The following ZSWIM6 variants were observed in gnomAD, a reference collection of about 807,000 sequenced individuals.
ZSWIM6 encodes zinc finger SWIM-type containing 6, also known as zinc finger SWIM domain-containing protein 6.
In ZSWIM6, 9 loss-of-function variants were observed where a neutral mutation model predicts 113.2. That is an observed-to-expected ratio of 0.08 (90% CI 0.05 to 0.14). ZSWIM6 has a LOEUF of 0.14. Among genes scored for constraint, ZSWIM6 ranks in the 10% least tolerant of loss-of-function variants. The pLI, the probability that ZSWIM6 is intolerant of heterozygous loss-of-function variation, is 1.00. For missense variants in ZSWIM6, 1,162 were observed against 1,552.2 expected, an observed-to-expected ratio of 0.75 and a Z score of 4.22; for synonymous variants, 611 against 606.5, an observed-to-expected ratio of 1.01 and a Z score of -0.11.
At chr5:61,534,897 C>T (rs117888406) in intron 9 of ZSWIM6, among the ~76,000 whole-genome samples, 160 of 152,150 alleles carry the variant, frequency 1.1e-3, no homozygotes, top group East Asian at 8.3e-3. Flanking sequence ...AAATGGGTAA[C>T]TATTCTTTTT....
In ZSWIM6 at chr5:61,474,956, A is replaced by C. The variant is rs74367821; in HGVS notation, c.1033+1919A>C. Among the ~76,000 whole-genome samples the C allele has an allele frequency of 1.8e-3, 275 of 152,324 alleles. 2 individuals carry two copies. The highest frequency in any genetic ancestry group is 1.8e-3 in the Admixed American group (27 of 15,298). The stretch of plus-strand genomic sequence containing the variant: ...TTGGTAGAGTCTGCCAATGTTAAAT[A>C]ACAGGAGTGTAAACAACGCTGCCAC... On this transcript the variant is annotated intron_variant, in intron 2 of 13. Transcript: ENST00000252744.
chr5:61,457,845 CTGA>C (rs1747237089), intron 1 of ZSWIM6, among the ~76,000 whole-genome samples: 1 of 152,024 alleles, frequency 6.6e-6, no homozygotes. Context: ...TGACTAGTAT[CTGA>C]TGATACTGAA....
intron 2 of ZSWIM6, among the ~76,000 whole-genome samples, chr5:61,489,071 C>G (rs1334078128): frequency 6.6e-6 from 1 of 152,066 alleles, no homozygotes; most frequent in South Asian, 2.1e-4. Flanking sequence ...TATTACTCTT[C>G]CTCTCATCTT....
At chr5:61,475,573 T>G (rs933289607) in intron 2 of ZSWIM6, among the ~76,000 whole-genome samples, 9 of 152,182 alleles carry the variant, frequency 5.9e-5, no homozygotes, top group Admixed American at 2.0e-4. Context: ...CTTGAGCAGT[T>G]TATCCCGCCA....
chr5:61,378,710 C>T (rs1579963371), intron 1 of ZSWIM6, among the ~76,000 whole-genome samples: 1 of 152,144 alleles, frequency 6.6e-6, no homozygotes, highest in Non-Finnish European at 1.5e-5. Context: ...CATGCGCCAC[C>T]ACGCCTGGCT....
At chr5:61,486,535 G>A (rs529390885) in intron 2 of ZSWIM6, among the ~76,000 whole-genome samples, 7 of 152,194 alleles carry the variant, frequency 4.6e-5, no homozygotes, top group Non-Finnish European at 8.8e-5. Context: ...TTCCATAGAT[G>A]TTATACTAAT....
At chr5:61,350,090 T>A (rs1744748885) in intron 1 of ZSWIM6, among the ~76,000 whole-genome samples, 1 of 152,182 alleles carries the variant, frequency 6.6e-6, no homozygotes, top group African/African-American at 2.4e-5. Context: ...TTCTGAACAA[T>A]AATTTAACAA....
At position 61,497,915 on chromosome 5, in the gene ZSWIM6, C is replaced by T. The variant is rs1015695625; in HGVS notation, c.1333+3505C>T. 3.9e-5 allele frequency among the ~76,000 whole-genome samples: 6 copies of T among 152,212 alleles called. No homozygotes were observed. In the East Asian group the frequency reaches 5.8e-4, roughly 15 times the overall value. ...ATCACAGAAATAACCTCTGGATTTC[C>T]AAGAACAACCCAGTGCTGATTGGGG... On this transcript the variant is annotated intron_variant, in intron 4 of 13. Coordinates refer to ENST00000252744, the MANE Select transcript of ZSWIM6 (RefSeq NM_020928.2).
chr5:61,375,113 T>C (rs535544410), intron 1 of ZSWIM6: 11 of 1,608,308 alleles, frequency 6.8e-6, no homozygotes, highest in Non-Finnish European at 9.4e-6. Flanking sequence ...TCCAGCACCA[T>C]GGGGAAGCGG....
chr5:61,395,239 A>G (rs1745813307), intron 1 of ZSWIM6, among the ~76,000 whole-genome samples: 1 of 152,124 alleles, frequency 6.6e-6, no homozygotes, highest in Non-Finnish European at 1.5e-5. Context: ...CAGTGCTAAG[A>G]CAACTTATCT....
intron 1 of ZSWIM6, among the ~76,000 whole-genome samples, chr5:61,366,433 GTGA>G (rs1745153881): frequency 6.6e-6 from 1 of 152,154 alleles, no homozygotes; most frequent in Non-Finnish European, 1.5e-5. Context: ...CACAAAGAAG[GTGA>G]ATAAGCAACT....
At position 61,531,912 on chromosome 5, in the gene ZSWIM6, T is replaced by G. The variant is rs13159166; in HGVS notation, c.2245+187T>G. On this transcript the variant is annotated intron_variant, in intron 9 of 13. Coordinates refer to ENST00000252744, the MANE Select transcript of ZSWIM6 (RefSeq NM_020928.2). Reference sequence around the variant, plus strand: ...CACTGAATAAAAAAGCATGGATGTTTAGATTTGTATCATTTGATTTAGGTG... The same window carrying G: ...CACTGAATAAAAAAGCATGGATGTTGAGATTTGTATCATTTGATTTAGGTG... Among the ~76,000 whole-genome samples, 57,182 of 151,990 alleles carry G rather than the reference T, an allele frequency of 0.38. 10,900 individuals carry two copies. The highest frequency in any genetic ancestry group is 0.43 in the South Asian group (2,069 of 4,824).
At chr5:61,488,694 T>C (rs1748094540) in intron 2 of ZSWIM6, among the ~76,000 whole-genome samples, 1 of 152,046 alleles carries the variant, frequency 6.6e-6, no homozygotes, top group East Asian at 1.9e-4. Flanking sequence ...TTGGATCTTC[T>C]CTCTCCTTTT....
At position 61,394,616 on chromosome 5, in the gene ZSWIM6, T is replaced by G. The variant is rs182502751; in HGVS notation, c.676+61668T>G. Among the ~76,000 whole-genome samples the G allele has an allele frequency of 1.6e-3, 242 of 152,258 alleles. 8 individuals are homozygous for G. In the South Asian group the frequency reaches 0.046, roughly 29 times the overall value. On this transcript the variant is annotated intron_variant, in intron 1 of 13. Coordinates refer to ENST00000252744, the MANE Select transcript of ZSWIM6 (RefSeq NM_020928.2). ...TATATGATATATATGAGGGGGGAAT[T>G]ATCAGTTCTTCCTGAGGATCTGTGA...
intron 2 of ZSWIM6, among the ~76,000 whole-genome samples, chr5:61,483,108 T>C (rs1483328101): frequency 6.6e-6 from 1 of 152,202 alleles, no homozygotes; most frequent in Non-Finnish European, 1.5e-5. Flanking sequence ...TTCTTGAGAC[T>C]GAGAAGTCCA....
chr5:61,521,223 A>G, intron 4 of ZSWIM6, 40 bp from the exon 5 acceptor site: 1 of 1,224,914 alleles, frequency 8.2e-7, no homozygotes. Flanking sequence ...ATGTTTTTAT[A>G]ATTTTTGAAC....
chr5:61,538,342 A>G (rs1749637600), intron 10 of ZSWIM6, among the ~76,000 whole-genome samples: 1 of 152,238 alleles, frequency 6.6e-6, no homozygotes, highest in Non-Finnish European at 1.5e-5. Flanking sequence ...ATGTTTAAAT[A>G]GGTTAAGCTT....
At position 61,469,800 on chromosome 5, in the gene ZSWIM6, C is replaced by T. The variant is rs539980558; in HGVS notation, c.677-2881C>T. On this transcript the variant is annotated intron_variant, in intron 1 of 13. Transcript: ENST00000252744. ...CTGGCTCACTGCAAGCTCCGCCTCCCGGGTTCACGCCATTCTTCTGCCTCA... is the reference window on the plus strand; with the variant it reads ...CTGGCTCACTGCAAGCTCCGCCTCCTGGGTTCACGCCATTCTTCTGCCTCA... Among the ~76,000 whole-genome samples, 45 of 152,230 alleles carry T rather than the reference C, an allele frequency of 3.0e-4. 1 individual carries two copies. The South Asian group carries it at 3.5e-3, about 12-fold the overall frequency.
chr5:61,481,707 G>C (rs77292867), intron 2 of ZSWIM6, among the ~76,000 whole-genome samples: 1 of 152,076 alleles, frequency 6.6e-6, no homozygotes, highest in African/African-American at 2.4e-5. Flanking sequence ...CTTAGATAGT[G>C]GTCCTTCATG....
Sources: allele counts gnomAD v4.1 joint callset (sites outside exome capture counted in the v4.1 genomes callset), GRCh38; gene constraint gnomAD v4.1.1; transcripts MANE v1.5; gene names NCBI Gene and HGNC (gene_info 2026-07-23, HGNC 2026-07-21).